Variants in ABTB3 observed in about 807,000 individuals in gnomAD.
The protein encoded by ABTB3 is ankyrin repeat and BTB domain containing 3.
chr12:107,335,286 CAAAAAAAAAAAAAAAAAAAAAAA>C, the ABTB3 span, among the ~76,000 whole-genome samples: 41 of 18,646 alleles, frequency 2.2e-3, 1 homozygote, highest in Admixed American at 3.0e-3. Context: ...GACCTTGTCT[CAAAAAAAAAAAAAAAAAAAAAAA>C]AAAAAAAAAA....
At chr12:107,400,737 A>G in the ABTB3 span, among the ~76,000 whole-genome samples, 3 of 151,996 alleles carry the variant, frequency 2.0e-5, no homozygotes, top group Non-Finnish European at 4.4e-5. Context: ...AGAGAGACTT[A>G]CACCCCCCCG....
chr12:107,541,221 C>A, the ABTB3 span, among the ~76,000 whole-genome samples: 1 of 152,148 alleles, frequency 6.6e-6, no homozygotes, highest in African/African-American at 2.4e-5. Context: ...GAAACTCCTG[C>A]CTCTCACTTT....
the ABTB3 span, among the ~76,000 whole-genome samples, chr12:107,405,666 G>A: frequency 6.6e-6 from 1 of 152,254 alleles, no homozygotes; most frequent in Non-Finnish European, 1.5e-5. Context: ...GCCAGCTTAT[G>A]CTGGGAAGAG....
the ABTB3 span, among the ~76,000 whole-genome samples, chr12:107,471,515 C>T: frequency 4.6e-5 from 7 of 152,204 alleles, no homozygotes; most frequent in Non-Finnish European, 5.9e-5. Context: ...GTATTGAGCC[C>T]TTACTGTGTG....
At chr12:107,659,069 T>C in the ABTB3 span, 318 of 152,432 alleles carry the variant, frequency 2.1e-3, 1 homozygote, top group African/African-American at 7.2e-3. Context: ...CCTAGATACA[T>C]GCAGTAAAAA....
the ABTB3 span, among the ~76,000 whole-genome samples, chr12:107,496,505 T>C: frequency 1.3e-5 from 2 of 152,138 alleles, no homozygotes; most frequent in Non-Finnish European, 1.5e-5. Context: ...GATGGTAGCA[T>C]AAATGGAGGC....
chr12:107,628,710 T>C, the ABTB3 span, among the ~76,000 whole-genome samples: 1 of 152,174 alleles, frequency 6.6e-6, no homozygotes, highest in Non-Finnish European at 1.5e-5. Flanking sequence ...GAGTTAAAAA[T>C]GGTCAAATAG....
the ABTB3 span, among the ~76,000 whole-genome samples, chr12:107,485,172 C>A: frequency 6.6e-6 from 1 of 152,154 alleles, no homozygotes; most frequent in East Asian, 1.9e-4. Context: ...GCATATGTGG[C>A]AAAACAGAAT....
the ABTB3 span, among the ~76,000 whole-genome samples, chr12:107,644,441 A>G: frequency 2.0e-5 from 3 of 152,106 alleles, no homozygotes; most frequent in Admixed American, 6.5e-5. Flanking sequence ...CGGTATCCCA[A>G]AGTACAGCCA....
chr12:107,342,985 G>T, the ABTB3 span, among the ~76,000 whole-genome samples: 1 of 152,112 alleles, frequency 6.6e-6, no homozygotes, highest in Non-Finnish European at 1.5e-5. Flanking sequence ...CTCTTCTAGG[G>T]CAGGGTTTGA....
chr12:107,604,040 G>T, the ABTB3 span, among the ~76,000 whole-genome samples: 1 of 151,994 alleles, frequency 6.6e-6, no homozygotes, highest in Non-Finnish European at 1.5e-5. Context: ...GTGGTGGCGG[G>T]CACCTGTAGT....
At chr12:107,465,218 C>G in the ABTB3 span, among the ~76,000 whole-genome samples, 1 of 152,082 alleles carries the variant, frequency 6.6e-6, no homozygotes, top group African/African-American at 2.4e-5. Flanking sequence ...TCCAGTGCCC[C>G]GAGGATTTGA....
chr12:107,329,191 C>T, the ABTB3 span, among the ~76,000 whole-genome samples: 1 of 152,172 alleles, frequency 6.6e-6, no homozygotes, highest in East Asian at 1.9e-4. Context: ...ATTTCTACTG[C>T]AGAGGAGACT....
chr12:107,517,749 C>T, the ABTB3 span, among the ~76,000 whole-genome samples: 326 of 152,116 alleles, frequency 2.1e-3, no homozygotes, highest in African/African-American at 7.3e-3. Context: ...GCAACAAAAG[C>T]CAAAATTGAC....
the ABTB3 span, among the ~76,000 whole-genome samples, chr12:107,572,972 T>G: frequency 6.6e-6 from 1 of 152,224 alleles, no homozygotes; most frequent in African/African-American, 2.4e-5. Context: ...GTCTGGGCAC[T>G]ATCTGTAGAA....
At chr12:107,395,676 C>T in the ABTB3 span, among the ~76,000 whole-genome samples, 39 of 152,284 alleles carry the variant, frequency 2.6e-4, no homozygotes, top group East Asian at 6.0e-3. Flanking sequence ...AACTTGGCCA[C>T]GCTCCCCAGG....
the ABTB3 span, among the ~76,000 whole-genome samples, chr12:107,443,612 A>C: frequency 1.3e-5 from 2 of 152,112 alleles, no homozygotes; most frequent in Admixed American, 6.5e-5. Context: ...GCAGTCAGAG[A>C]AGTGTTAAAG....
At chr12:107,504,014 G>A in the ABTB3 span, among the ~76,000 whole-genome samples, 1 of 152,116 alleles carries the variant, frequency 6.6e-6, no homozygotes, top group Non-Finnish European at 1.5e-5. Context: ...TGGCTGGATA[G>A]GGCCCTGCTT....
the ABTB3 span, among the ~76,000 whole-genome samples, chr12:107,425,641 A>G: frequency 1.3e-5 from 2 of 152,128 alleles, no homozygotes; most frequent in Non-Finnish European, 2.9e-5. Flanking sequence ...CCGGGTGAAA[A>G]CCAGACCGCT....
Sources: gnomAD v4.1 joint callset for allele counts (sites outside exome capture counted in the v4.1 genomes callset) on GRCh38, gnomAD v4.1.1 for gene constraint, MANE v1.5 for transcripts, NCBI Gene and HGNC (gene_info 2026-07-23, HGNC 2026-07-21) for gene names.